RAI1: variants seen among roughly 807,000 people sequenced by gnomAD.
RAI1 encodes the protein retinoic acid-induced protein 1.
In RAI1, 9 loss-of-function variants were observed where a neutral mutation model predicts 123.8. The observed-to-expected ratio is 0.07, with a 90% CI of 0.04 to 0.13. The LOEUF (loss-of-function observed/expected upper bound fraction) is 0.13. RAI1 is among the 10% of genes least tolerant of loss of function. The probability of loss-of-function intolerance (pLI) is 1.00; values close to 1 mark genes in which losing one functional copy is unlikely to be tolerated. For synonymous variants in RAI1, 1,231 were observed against 1,127.3 expected (o/e 1.09, Z -1.84); for missense variants, 2,256 against 2,545.8 (o/e 0.89, Z 2.45).
At chr17:17,686,600 T>TGTGC (rs1914644171) in intron 1 of RAI1, among the ~76,000 whole-genome samples, 2 of 146,124 alleles carry the variant, frequency 1.4e-5, no homozygotes, top group Non-Finnish European at 3.0e-5. Context: ...TGTGTGTGTG[T>TGTGC]GTGTGTGTGC....
At chr17:17,792,707 C>T (rs570449667) in intron 2 of RAI1, among the ~76,000 whole-genome samples, 2 of 150,828 alleles carry the variant, frequency 1.3e-5, no homozygotes, top group African/African-American at 4.9e-5. Context: ...GCACACCTCC[C>T]TGACACAGAA....
intron 2 of RAI1, among the ~76,000 whole-genome samples, chr17:17,751,955 GTTT>G (rs371638150): frequency 6.6e-6 from 1 of 151,844 alleles, no homozygotes; most frequent in African/African-American, 2.4e-5. Flanking sequence ...CAAGGGCAGA[GTTT>G]TTTTTTATTT....
chr17:17,763,763 T>C (rs1166301456), intron 2 of RAI1, among the ~76,000 whole-genome samples: 2 of 152,206 alleles, frequency 1.3e-5, no homozygotes, highest in African/African-American at 4.8e-5. Context: ...AAGCCTAGAA[T>C]GCCTGGTTGT....
chr17:17,783,252 CG>C (rs902684336), intron 2 of RAI1, among the ~76,000 whole-genome samples: 20 of 151,942 alleles, frequency 1.3e-4, no homozygotes, highest in Non-Finnish European at 2.2e-4. Context: ...GGCGCGGGGA[CG>C]GGGGGGCGCC....
At chr17:17,705,476 T>C (rs532068582) in intron 1 of RAI1, among the ~76,000 whole-genome samples, 1 of 151,360 alleles carries the variant, frequency 6.6e-6, no homozygotes, top group African/African-American at 2.4e-5. Flanking sequence ...TACTAAAAAA[T>C]ACAAAAATTC....
chr17:17,683,838 C>T (rs1028884462), intron 1 of RAI1: 1 of 152,200 alleles, frequency 6.6e-6, no homozygotes, highest in Non-Finnish European at 1.5e-5. Context: ...TTCCACTAGA[C>T]TGTGGGGCTC....
At chr17:17,722,427 C>T (rs903047283) in intron 1 of RAI1, among the ~76,000 whole-genome samples, 13 of 152,208 alleles carry the variant, frequency 8.5e-5, no homozygotes. Flanking sequence ...TACGTGCCCC[C>T]AGGGCTCTGG....
intron 2 of RAI1, among the ~76,000 whole-genome samples, chr17:17,789,598 A>G (rs2031942204): frequency 6.6e-6 from 1 of 152,154 alleles, no homozygotes; most frequent in Non-Finnish European, 1.5e-5. Context: ...CCTGGGTGCT[A>G]TGTGATTCCA....
intron 2 of RAI1, among the ~76,000 whole-genome samples, chr17:17,791,502 T>C (rs749089183): frequency 2.0e-5 from 3 of 152,070 alleles, no homozygotes; most frequent in Non-Finnish European, 4.4e-5. Context: ...CCTGACCCCT[T>C]CAACAACCTG....
chr17:17,719,191 A>G (rs538428864), intron 1 of RAI1, among the ~76,000 whole-genome samples: 2 of 152,258 alleles, frequency 1.3e-5, no homozygotes, highest in South Asian at 4.2e-4. Context: ...CCCAAGGGAA[A>G]GCGTGTCCCA....
rs140455907 is a variant in RAI1, at chr17:17,795,570, A to G, written c.2622A>G (p.Leu874=). ...DLEAEEEYSS[L]CELLGSPEQR... ...AAGCTGAGGAGGAGTACTCCTCCCT[A>G]TGTGAGCTCCTGGGCAGCCCCGAGC... The change falls in exon 3 of 6, where the codon CTA becomes CTG. Residue 874 remains leucine (L), a synonymous_variant. Transcript: ENST00000353383. The surrounding 1 kb of genome is among the most constrained non-coding windows in gnomAD (Gnocchi z 5.9). The G allele has an allele frequency of 8.7e-5, 140 of 1,611,106 alleles. No individual in the cohort carries two copies. The African/African-American group carries it at 1.4e-3, about 16-fold the overall frequency.
At chr17:17,687,883 A>G (rs1402036828) in intron 1 of RAI1, among the ~76,000 whole-genome samples, 1 of 151,932 alleles carries the variant, frequency 6.6e-6, no homozygotes, top group Non-Finnish European at 1.5e-5. Flanking sequence ...TACAAAAATT[A>G]GCCAGGTGTG....
chr17:17,754,557 C>T (rs1187657347), intron 2 of RAI1, among the ~76,000 whole-genome samples: 1 of 152,156 alleles, frequency 6.6e-6, no homozygotes, highest in Admixed American at 6.5e-5. Context: ...ATCTTTAATT[C>T]CCCTCCTGCC....
chr17:17,739,560 G>A (rs1916549736), intron 2 of RAI1, among the ~76,000 whole-genome samples: 1 of 152,222 alleles, frequency 6.6e-6, no homozygotes, highest in South Asian at 2.1e-4. Context: ...TACTGAGGCT[G>A]TGGCCCCTCC....
chr17:17,771,649 G>A (rs1441416375), intron 2 of RAI1, among the ~76,000 whole-genome samples: 1 of 152,316 alleles, frequency 6.6e-6, no homozygotes, highest in African/African-American at 2.4e-5. Flanking sequence ...ACCGCCTCCC[G>A]CCTTTGTTTC....
chr17:17,760,766 G>A (rs1023943285), intron 2 of RAI1, among the ~76,000 whole-genome samples: 1 of 152,218 alleles, frequency 6.6e-6, no homozygotes, highest in African/African-American at 2.4e-5. Context: ...CCACACTGCA[G>A]AAAACCCTTC....
chr17:17,763,790 T>G (rs2030806785), intron 2 of RAI1, among the ~76,000 whole-genome samples: 1 of 152,234 alleles, frequency 6.6e-6, no homozygotes. Context: ...CAAGATAGGC[T>G]GGGCGTGCTG....
chr17:17,811,007 C>A lies in RAI1; in HGVS notation c.*1026C>A, dbSNP rs1436714682. ...CGTGCGCCCGCAACAGAGCCCCAAC[C>A]GGGCCTTTGCCGGGTAAGGGGCTAC... On this transcript the variant is annotated 3_prime_UTR_variant, in exon 6 of 6. Coordinates refer to ENST00000353383, the MANE Select transcript of RAI1 (RefSeq NM_030665.4). The A allele has an allele frequency of 6.3e-6, 2 of 317,506 alleles. No homozygotes were observed. Among genetic ancestry groups the A allele is most frequent in the Non-Finnish European group, 1.3e-5 (2 of 158,484 alleles). The allele number at this position is 317,506 out of a possible 1,614,324, so 19.7% of individuals were successfully genotyped here.
chr17:17,805,157 G>A (rs893354968), intron 4 of RAI1, among the ~76,000 whole-genome samples: 10 of 152,158 alleles, frequency 6.6e-5, no homozygotes, highest in Non-Finnish European at 1.0e-4. Flanking sequence ...CACTGTGCCC[G>A]GCCCCTAGTA....
Sources: allele counts gnomAD v4.1 joint callset (sites outside exome capture counted in the v4.1 genomes callset), GRCh38; gene constraint gnomAD v4.1.1; non-coding constraint Gnocchi (gnomAD v3.1); transcripts MANE v1.5; gene names NCBI Gene and HGNC (gene_info 2026-07-23, HGNC 2026-07-21).